AGO3: variants seen among roughly 807,000 people sequenced by gnomAD.
AGO3 encodes the protein protein argonaute-3.
AGO3 carries 16 observed loss-of-function variants against 105.5 expected under a neutral mutation model. The ratio of observed to expected loss-of-function variants is 0.15; its 90% CI spans 0.10 to 0.23. AGO3 has a LOEUF of 0.23. Among genes scored for constraint, AGO3 ranks in the 10% least tolerant of loss-of-function variants. The pLI is 1.00. For missense variants in AGO3, 534 were observed against 1,088.0 expected, an observed-to-expected ratio of 0.49 and a Z score of 7.16; for synonymous variants, 340 against 367.3, an observed-to-expected ratio of 0.93 and a Z score of 0.85.
At chr1:36,046,353 C>T (rs972602989) in intron 17 of AGO3, among the ~76,000 whole-genome samples, 12 of 152,238 alleles carry the variant, frequency 7.9e-5, no homozygotes, top group East Asian at 1.9e-4. Context: ...ACAGCCCTGT[C>T]GAGCTGCAAG....
chr1:36,018,050 G>T (rs1025565260), intron 11 of AGO3, among the ~76,000 whole-genome samples: 1 of 148,190 alleles, frequency 6.7e-6, no homozygotes, highest in East Asian at 2.1e-4. Context: ...GCATGATCTC[G>T]GCTCACTGCA....
rs1646040282 is a variant in AGO3 at position 35,931,262 on chromosome 1, C to G, written c.-165C>G. 5.9e-6 allele frequency: 3 copies of G among 510,350 alleles called. No homozygotes were observed. Among genetic ancestry groups the G allele is most frequent in the South Asian group, 7.9e-5 (2 of 25,462 alleles). The allele number at this position is 510,350 out of a possible 1,614,324, so 31.6% of individuals were successfully genotyped here. A position where few individuals can be genotyped will look rare whatever the true frequency, so the allele number is the denominator to read the frequency against. On this transcript the variant is annotated 5_prime_UTR_variant, in exon 1 of 19. Coordinates refer to ENST00000373191, the MANE Select transcript of AGO3 (RefSeq NM_024852.4). Reference sequence around the variant, plus strand: ...CGTTTTCCGTCCGCGACTCTTCCGGCCCAGAGCTTTCGGAGTGCGGTTGCT... The same window carrying G: ...CGTTTTCCGTCCGCGACTCTTCCGGGCCAGAGCTTTCGGAGTGCGGTTGCT...
intron 9 of AGO3, among the ~76,000 whole-genome samples, chr1:36,010,044 T>C (rs1461554481): frequency 1.3e-5 from 2 of 148,230 alleles, no homozygotes; most frequent in Non-Finnish European, 3.0e-5. Context: ...GTTCACACCA[T>C]TCTCCTGCTT....
intron 5 of AGO3, among the ~76,000 whole-genome samples, chr1:35,985,548 G>C (rs369006337): frequency 1.3e-3 from 194 of 152,314 alleles, no homozygotes; most frequent in African/African-American, 4.2e-3. Flanking sequence ...TAGTGTTTCA[G>C]ATCAGTAGGG....
chr1:35,947,292 A>G (rs1381810753), intron 2 of AGO3, among the ~76,000 whole-genome samples: 1 of 151,824 alleles, frequency 6.6e-6, no homozygotes, highest in Admixed American at 6.6e-5. Flanking sequence ...TTAAGATACT[A>G]TCTGTTGAAT....
chr1:36,055,350 T>C lies in AGO3; in HGVS notation c.2474+205T>C. 1.6e-6 allele frequency: 1 copy of C among 621,592 alleles called. No homozygotes were observed. The highest frequency in any genetic ancestry group is 2.0e-5 in the South Asian group (1 of 50,326). The allele number at this position is 621,592 out of a possible 1,614,324, so 38.5% of individuals were successfully genotyped here. ...TAGTAACTTAGTTGTTTTACTACATTAATTCAAAGGAGAGATTATTGGTAA... is the reference window on the plus strand; with the variant it reads ...TAGTAACTTAGTTGTTTTACTACATCAATTCAAAGGAGAGATTATTGGTAA... On this transcript the variant is annotated intron_variant, in intron 18 of 18. Coordinates refer to ENST00000373191, the MANE Select transcript of AGO3 (RefSeq NM_024852.4). The surrounding 1 kb of genome is among the most constrained non-coding windows in gnomAD (Gnocchi z 4.4).
At chr1:36,009,674 C>G (rs1399383301) in intron 9 of AGO3, 80 bp downstream of exon 9, 19 of 1,388,708 alleles carry the variant, frequency 1.4e-5, no homozygotes, top group Non-Finnish European at 1.9e-5. Flanking sequence ...TCCTTATCAA[C>G]CCATACCTTA....
chr1:35,967,130 C>T (rs1434405680), intron 3 of AGO3, 55 bp downstream of exon 3: 1 of 1,561,586 alleles, frequency 6.4e-7, no homozygotes, highest in African/African-American at 1.4e-5. Flanking sequence ...TCTCCTTTTA[C>T]ACGCATTTAT....
intron 2 of AGO3, among the ~76,000 whole-genome samples, chr1:35,962,963 C>G (rs1036649268): frequency 1.3e-5 from 2 of 152,004 alleles, no homozygotes; most frequent in African/African-American, 4.8e-5. Flanking sequence ...TAGTTTATAC[C>G]GATTAGGCTA....
At chr1:36,009,209 T>C (rs1640475433) in intron 8 of AGO3, among the ~76,000 whole-genome samples, 165 bp downstream of exon 8, 1 of 152,016 alleles carries the variant, frequency 6.6e-6, no homozygotes, top group Non-Finnish European at 1.5e-5. Flanking sequence ...CGAAACAAGT[T>C]CATCCATAAT....
intron 5 of AGO3, among the ~76,000 whole-genome samples, chr1:35,996,165 A>C (rs997383703): frequency 1.3e-5 from 2 of 151,712 alleles, no homozygotes; most frequent in East Asian, 2.0e-4. Flanking sequence ...ATAGTAAAAA[A>C]ATTTTTTTAA....
chr1:35,952,026 A>G lies in AGO3; in HGVS notation c.191+6163A>G, dbSNP rs985892382. Among the ~76,000 whole-genome samples, 3 of 152,166 alleles carry G rather than the reference A, an allele frequency of 2.0e-5. No individual in the cohort carries two copies. In the South Asian group the frequency reaches 6.2e-4, roughly 32 times the overall value. On this transcript the variant is annotated intron_variant, in intron 2 of 18. Coordinates refer to ENST00000373191, the MANE Select transcript of AGO3 (RefSeq NM_024852.4). The stretch of plus-strand genomic sequence containing the variant: ...AAAAAGAAACCCCATACTCATTAGC[A>G]GTCACTGCCCATTAGTCCCTCCCCA...
chr1:35,967,926 G>A (rs181119108), intron 3 of AGO3, among the ~76,000 whole-genome samples: 3 of 152,036 alleles, frequency 2.0e-5, no homozygotes, highest in Admixed American at 6.6e-5. Flanking sequence ...ATACCATGTC[G>A]TTCTTTCCCC....
intron 3 of AGO3, among the ~76,000 whole-genome samples, chr1:35,971,450 C>G (rs985876925): frequency 6.6e-6 from 1 of 151,432 alleles, no homozygotes; most frequent in South Asian, 2.1e-4. Flanking sequence ...TGAGCCACTG[C>G]GCCTGGCCTT....
intron 5 of AGO3, among the ~76,000 whole-genome samples, chr1:35,995,199 T>TAAAAA (rs1295296314): frequency 3.6e-5 from 4 of 110,604 alleles, no homozygotes; most frequent in African/African-American, 1.6e-4. Context: ...AGACACTGTC[T>TAAAAA]AAAAAAAAAA....
intron 2 of AGO3, among the ~76,000 whole-genome samples, chr1:35,951,279 T>C (rs1411079163): frequency 6.6e-6 from 1 of 152,224 alleles, no homozygotes; most frequent in East Asian, 1.9e-4. Flanking sequence ...CTCAGTTTTC[T>C]TTTACAAATG....
chr1:36,046,449 C>G (rs190167925), intron 17 of AGO3, among the ~76,000 whole-genome samples: 2 of 151,750 alleles, frequency 1.3e-5, no homozygotes, highest in Admixed American at 1.3e-4. Context: ...CCCAGCACTT[C>G]GGGAGGCCGA....
intron 2 of AGO3, among the ~76,000 whole-genome samples, chr1:35,960,540 G>A (rs1386376640): frequency 6.6e-6 from 1 of 151,926 alleles, no homozygotes; most frequent in East Asian, 1.9e-4. Context: ...AGGCACAGTG[G>A]CTCACACATG....
At chr1:35,944,795 C>T (rs1285476557) in intron 1 of AGO3, among the ~76,000 whole-genome samples, 1 of 151,958 alleles carries the variant, frequency 6.6e-6, no homozygotes, top group Non-Finnish European at 1.5e-5. Flanking sequence ...TGAGGCACTG[C>T]ACCCAGCCCA....
Sources: allele counts gnomAD v4.1 joint callset (sites outside exome capture counted in the v4.1 genomes callset), GRCh38; gene constraint gnomAD v4.1.1; non-coding constraint Gnocchi (gnomAD v3.1); transcripts MANE v1.5; gene names NCBI Gene and HGNC (gene_info 2026-07-23, HGNC 2026-07-21).